NECTIN2: variants seen among roughly 807,000 people sequenced by gnomAD.
The protein encoded by NECTIN2 is nectin-2.
In NECTIN2, 23 loss-of-function variants were observed where a neutral mutation model predicts 56.9. That is an observed-to-expected ratio of 0.40 (90% CI 0.29 to 0.57). The LOEUF is 0.57. NECTIN2 is among the 20% of genes least tolerant of loss of function. The pLI is 0.38. For synonymous variants in NECTIN2, 302 were observed against 313.8 expected (o/e 0.96, Z 0.40); for missense variants, 587 against 718.3 (o/e 0.82, Z 2.09).
At chr19:44,848,246 C>T (rs764372829) in intron 1 of NECTIN2, among the ~76,000 whole-genome samples, 2 of 152,160 alleles carry the variant, frequency 1.3e-5, no homozygotes, top group Non-Finnish European at 2.9e-5. Context: ...TCCGAACCCA[C>T]CAGACCCTGA....
intron 1 of NECTIN2, among the ~76,000 whole-genome samples, chr19:44,853,650 G>T (rs1450516292): frequency 6.8e-6 from 1 of 147,942 alleles, no homozygotes; most frequent in South Asian, 2.1e-4. Context: ...CACCACGCCC[G>T]GCTAATTTTT....
chr19:44,850,987 C>T (rs1010851300), intron 1 of NECTIN2, among the ~76,000 whole-genome samples: 11 of 152,090 alleles, frequency 7.2e-5, no homozygotes, highest in Non-Finnish European at 1.5e-5. Flanking sequence ...TCCAGGAGCC[C>T]AGCTCCTCCT....
At chr19:44,850,303 G>GATA (rs1270799041) in intron 1 of NECTIN2, among the ~76,000 whole-genome samples, 3 of 152,064 alleles carry the variant, frequency 2.0e-5, no homozygotes, top group Non-Finnish European at 4.4e-5. Context: ...AAGAGGCCCC[G>GATA]GAAGACACAG....
At chr19:44,868,149 G>A (rs2122673137) in intron 2 of NECTIN2, among the ~76,000 whole-genome samples, 1 of 151,818 alleles carries the variant, frequency 6.6e-6, no homozygotes, top group East Asian at 1.9e-4. Context: ...ATCGCTTTGA[G>A]GTCAGGAGTT....
At chr19:44,879,336 C>G (rs1969281265) in intron 5 of NECTIN2, among the ~76,000 whole-genome samples, 1 of 152,092 alleles carries the variant, frequency 6.6e-6, no homozygotes. Flanking sequence ...GCCAGGTTCC[C>G]TGCGTCCTGA....
At chr19:44,886,577 T>C (rs986868289) in intron 8 of NECTIN2, among the ~76,000 whole-genome samples, 1 of 151,248 alleles carries the variant, frequency 6.6e-6, no homozygotes, top group East Asian at 2.0e-4. Flanking sequence ...AAAAAATTAG[T>C]TGGGTGTGGT....
intron 1 of NECTIN2, among the ~76,000 whole-genome samples, chr19:44,847,655 A>G (rs1177066016): frequency 2.0e-5 from 3 of 151,934 alleles, no homozygotes; most frequent in African/African-American, 7.2e-5. Flanking sequence ...TTCCCTATGA[A>G]TGGTCGGGGG....
intron 1 of NECTIN2, among the ~76,000 whole-genome samples, chr19:44,859,696 G>C (rs958264967): frequency 6.6e-6 from 1 of 151,948 alleles, no homozygotes; most frequent in Admixed American, 6.6e-5. Flanking sequence ...GTAGTGGCTC[G>C]CACCTGTAAT....
Position 44,865,584 on chromosome 19 carries a change from C to G in NECTIN2, c.402C>G (p.Asp134Glu), listed in dbSNP as rs41289516. Residue 134 changes from aspartate (D) to glutamate (E), a missense_variant, in exon 2 of 9, where the codon GAC (aspartate) becomes GAG (glutamate). By Grantham distance (45) the Asp-to-Glu change is conservative. Coordinates refer to ENST00000252483, the MANE Select transcript of NECTIN2 (RefSeq NM_001042724.2). This position sits in a 1 kb window ranked among gnomAD's most constrained non-coding sequence, Gnocchi z 5.2. ...CCCTCCACGGGCTCACGGTGGAGGA[C>G]GAGGGCAACTACACTTGCGAGTTTG... ...TLALHGLTVE[D>E]EGNYTCEFAT... 2 of 1,546,804 alleles carry G rather than the reference C, an allele frequency of 1.3e-6. No individual in the cohort carries two copies. The highest frequency in any genetic ancestry group is 1.7e-6 in the Non-Finnish European group (2 of 1,148,546).
In NECTIN2 at chr19:44,875,407, A is replaced by G. The variant is rs958360787; in HGVS notation, c.1042+929A>G. Among the ~76,000 whole-genome samples the G allele has an allele frequency of 3.3e-5, 5 of 152,040 alleles. No homozygotes were observed. The highest frequency in any genetic ancestry group is 7.4e-5 in the Non-Finnish European group (5 of 68,020). ...CAGCCTCCTGAGTAGCTGGGACTAT[A>G]TGCGCTCACCACCAAACCCGGCTAA... is the stretch of plus-strand genomic sequence containing the variant. On this transcript the variant is annotated intron_variant, in intron 5 of 8. Transcript: ENST00000252483. This position sits in a 1 kb window ranked among gnomAD's most constrained non-coding sequence, Gnocchi z 4.2.
chr19:44,888,008 C>A, intron 8 of NECTIN2, 102 bp from the exon 9 acceptor site: 1 of 1,281,674 alleles, frequency 7.8e-7, no homozygotes, highest in Non-Finnish European at 1.1e-6. Flanking sequence ...ATCTTGTTGG[C>A]ATGGGGAGAG....
At chr19:44,882,690 CA>C (rs35741405) in intron 6 of NECTIN2, among the ~76,000 whole-genome samples, 3,823 of 38,388 alleles carry the variant, frequency 0.1, 45 homozygotes, top group African/African-American at 0.2. Context: ...CCCCCATCTA[CA>C]AAAAAAAAAA....
At chr19:44,860,688 G>A (rs985362945) in intron 1 of NECTIN2, among the ~76,000 whole-genome samples, 1 of 151,574 alleles carries the variant, frequency 6.6e-6, no homozygotes, top group Non-Finnish European at 1.5e-5. Context: ...CCAAGCTGGA[G>A]TGCAGAGGCG....
intron 1 of NECTIN2, among the ~76,000 whole-genome samples, chr19:44,851,167 C>T (rs528972121): frequency 6.6e-6 from 1 of 151,068 alleles, no homozygotes; most frequent in Non-Finnish European, 1.5e-5. Flanking sequence ...TTCAGGCCCC[C>T]ATCCCTGCTC....
intron 2 of NECTIN2, among the ~76,000 whole-genome samples, chr19:44,868,089 C>A (rs1969123415): frequency 1.3e-5 from 2 of 151,840 alleles, no homozygotes; most frequent in African/African-American, 2.4e-5. Flanking sequence ...AGGCCTGGTG[C>A]GGTGGCTCAC....
At chr19:44,878,116 T>A (rs903088401) in intron 5 of NECTIN2, 12 of 442,466 alleles carry the variant, frequency 2.7e-5, no homozygotes, top group African/African-American at 8.5e-5. Context: ...GCTCCCTCCA[T>A]CCCCGCCTAT....
intron 1 of NECTIN2, among the ~76,000 whole-genome samples, chr19:44,849,662 G>A (rs1052889489): frequency 6.6e-6 from 1 of 152,130 alleles, no homozygotes; most frequent in Non-Finnish European, 1.5e-5. Context: ...AGGAGGCAGG[G>A]AGACTCCACA....
intron 5 of NECTIN2, among the ~76,000 whole-genome samples, chr19:44,877,873 CCCT>C (rs1251374175): frequency 6.6e-6 from 1 of 152,206 alleles, no homozygotes; most frequent in African/African-American, 2.4e-5. Flanking sequence ...TGATTTGTCC[CCCT>C]AAGAGAAACC....
rs959598089 is a variant in NECTIN2, at chr19:44,874,156, G to A, written c.893+123G>A. The stretch of plus-strand genomic sequence containing the variant: ...CTGGATCTGAGGGAGGAGGGGCTGG[G>A]CCTAAATTCCTAAGTCCTCCAGGAT... On this transcript the variant is annotated intron_variant, in intron 4 of 8. Transcript: ENST00000252483. This position sits in a 1 kb window ranked among gnomAD's most constrained non-coding sequence, Gnocchi z 6.3. 8 of 1,218,314 alleles carry A rather than the reference G, an allele frequency of 6.6e-6. No homozygotes were observed. Among genetic ancestry groups the A allele is most frequent in the Non-Finnish European group, 7.0e-6 (6 of 863,254 alleles). The allele number at this position is 1,218,314 out of a possible 1,614,324, so 75.5% of individuals were successfully genotyped here.
Sources: gnomAD v4.1 joint callset for allele counts (sites outside exome capture counted in the v4.1 genomes callset) on GRCh38, gnomAD v4.1.1 for gene constraint, Gnocchi (gnomAD v3.1) non-coding constraint, MANE v1.5 for transcripts, NCBI Gene and HGNC (gene_info 2026-07-23, HGNC 2026-07-21) for gene names.